MACROD2: variants seen among roughly 807,000 people sequenced by gnomAD.
MACROD2 encodes the protein mono-ADP ribosylhydrolase 2, also known as ADP-ribose glycohydrolase MACROD2.
Under a neutral mutation model 70.4 loss-of-function variants are expected in MACROD2, and 36 were observed. That is an observed-to-expected ratio of 0.51 (90% CI 0.39 to 0.68). MACROD2 has a LOEUF of 0.68. Among genes scored for constraint, MACROD2 ranks in the 30% least tolerant of loss-of-function variants. The pLI is 0.00. For missense variants in MACROD2, 496 were observed against 538.4 expected (o/e 0.92, Z 0.78); for synonymous variants, 172 against 178.8 (o/e 0.96, Z 0.30).
At chr20:15,586,990 C>T (rs923662532) in intron 8 of MACROD2, among the ~76,000 whole-genome samples, 2 of 152,190 alleles carry the variant, frequency 1.3e-5, no homozygotes, top group Non-Finnish European at 2.9e-5. Context: ...CAACTTCATA[C>T]ATGTTGCTTT....
chr20:14,497,868 A>G (rs1219824889), intron 4 of MACROD2, among the ~76,000 whole-genome samples: 1 of 151,820 alleles, frequency 6.6e-6, no homozygotes, highest in African/African-American at 2.4e-5. Flanking sequence ...TCTAATAAGC[A>G]AGTGCTGTTA....
At chr20:15,421,399 A>G (rs957876833) in intron 6 of MACROD2, among the ~76,000 whole-genome samples, 1 of 152,074 alleles carries the variant, frequency 6.6e-6, no homozygotes, top group Non-Finnish European at 1.5e-5. Context: ...CAAAACAAAA[A>G]GAATATGGGT....
chr20:15,195,734 A>G (rs2076601695), intron 5 of MACROD2, among the ~76,000 whole-genome samples: 1 of 152,224 alleles, frequency 6.6e-6, no homozygotes, highest in Non-Finnish European at 1.5e-5. Flanking sequence ...TACTGGATAT[A>G]TACCCAAAGG....
chr20:14,578,964 A>C (rs1002468983), intron 4 of MACROD2, among the ~76,000 whole-genome samples: 1 of 145,860 alleles, frequency 6.9e-6, no homozygotes, highest in African/African-American at 2.5e-5. Context: ...GTTTCTTGGA[A>C]GTACTTGCAA....
intron 6 of MACROD2, among the ~76,000 whole-genome samples, chr20:15,265,294 T>C (rs1261757794): frequency 6.6e-6 from 1 of 152,170 alleles, no homozygotes; most frequent in Non-Finnish European, 1.5e-5. Context: ...CCATTCACTC[T>C]TCCAGGAGTA....
rs182879959 is a variant in MACROD2, at chr20:15,792,163, G to A, written c.646-70582G>A. The stretch of plus-strand genomic sequence containing the variant: ...AAGAGCTTTTTCACTAGGTGGTGCC[G>A]GGACAAGGTACTAACTGCATGCAAA... On this transcript the variant is annotated intron_variant, in intron 8 of 17. Transcript: ENST00000684519. Among the ~76,000 whole-genome samples, 29 of 152,034 alleles carry A rather than the reference G, an allele frequency of 1.9e-4. No homozygotes were observed. In the East Asian group the frequency reaches 5.0e-3, roughly 26 times the overall value.
intron 3 of MACROD2, among the ~76,000 whole-genome samples, chr20:14,185,291 A>T (rs551531565): frequency 5.3e-5 from 8 of 152,222 alleles, no homozygotes; most frequent in African/African-American, 1.9e-4. Context: ...AAGTTTTTAT[A>T]TGTTCTGACG....
At chr20:14,551,281 TC>T (rs1214695999) in intron 4 of MACROD2, among the ~76,000 whole-genome samples, 1 of 152,232 alleles carries the variant, frequency 6.6e-6, no homozygotes, top group Non-Finnish European at 1.5e-5. Context: ...GTAAATTAAA[TC>T]AACTTGTGCT....
At chr20:14,139,501 A>C (rs1682892369) in intron 3 of MACROD2, among the ~76,000 whole-genome samples, 1 of 152,214 alleles carries the variant, frequency 6.6e-6, no homozygotes, top group Non-Finnish European at 1.5e-5. Context: ...TGGATGGGGA[A>C]ATTTCCCCAT....
At chr20:14,538,079 A>C (rs2085388126) in intron 4 of MACROD2, among the ~76,000 whole-genome samples, 1 of 152,194 alleles carries the variant, frequency 6.6e-6, no homozygotes, top group Admixed American at 6.5e-5. Flanking sequence ...GTTCTGTATA[A>C]ATAATCAGAA....
At chr20:15,673,927 G>T (rs2050018528) in intron 8 of MACROD2, among the ~76,000 whole-genome samples, 1 of 152,166 alleles carries the variant, frequency 6.6e-6, no homozygotes, top group South Asian at 2.1e-4. Context: ...AGTGAGAAAT[G>T]GATTTTTAAA....
At chr20:15,199,560 G>T (rs958548897) in intron 5 of MACROD2, among the ~76,000 whole-genome samples, 1 of 152,100 alleles carries the variant, frequency 6.6e-6, no homozygotes, top group African/African-American at 2.4e-5. Flanking sequence ...GTGGTAAAGA[G>T]CCGTTAAATG....
intron 4 of MACROD2, among the ~76,000 whole-genome samples, chr20:14,652,143 T>C (rs1348436360): frequency 1.3e-5 from 2 of 152,290 alleles, no homozygotes; most frequent in East Asian, 3.9e-4. Flanking sequence ...ATCCTTATCA[T>C]TGTTTTCTTT....
intron 3 of MACROD2, among the ~76,000 whole-genome samples, chr20:14,472,085 C>T (rs1014581120): frequency 1.3e-5 from 2 of 152,102 alleles, no homozygotes; most frequent in African/African-American, 4.8e-5. Flanking sequence ...GGAGTTTCAA[C>T]AAATTTTAAG....
rs149946720 is a variant in MACROD2, at chr20:14,089,420, G to A, written c.271+3692G>A. 2.3e-3 allele frequency among the ~76,000 whole-genome samples: 344 copies of A among 152,296 alleles called. 3 individuals carry two copies. Among genetic ancestry groups the A allele is most frequent in the African/African-American group, 8.0e-3 (334 of 41,562 alleles). On this transcript the variant is annotated intron_variant, in intron 3 of 17. Transcript: ENST00000684519. Reference sequence around the variant, plus strand: ...CAGTACCCCTAGTCACTATGCCAAAGCAGCCCAGTTGTCACCTCCTATTAG... The same window carrying A: ...CAGTACCCCTAGTCACTATGCCAAAACAGCCCAGTTGTCACCTCCTATTAG...
At chr20:14,506,363 C>T (rs913321408) in intron 4 of MACROD2, among the ~76,000 whole-genome samples, 8 of 152,098 alleles carry the variant, frequency 5.3e-5, no homozygotes, top group South Asian at 2.1e-4. Flanking sequence ...TGGCCTTAAC[C>T]GTGGAATGCA....
At chr20:14,904,616 A>G (rs2073936806) in intron 5 of MACROD2, among the ~76,000 whole-genome samples, 1 of 152,156 alleles carries the variant, frequency 6.6e-6, no homozygotes, top group South Asian at 2.1e-4. Flanking sequence ...TGGACTTTGG[A>G]ATCATCTGTT....
intron 5 of MACROD2, among the ~76,000 whole-genome samples, chr20:14,851,406 T>G (rs1317751745): frequency 6.6e-6 from 1 of 152,160 alleles, no homozygotes; most frequent in Non-Finnish European, 1.5e-5. Context: ...TCAGGAAGAT[T>G]TTACCAAATT....
At chr20:15,419,120 A>T (rs992122251) in intron 6 of MACROD2, among the ~76,000 whole-genome samples, 18 of 152,152 alleles carry the variant, frequency 1.2e-4, no homozygotes, top group Non-Finnish European at 2.6e-4. Context: ...GTGAAATGTG[A>T]AGAAGTGAGA....
Sources: allele counts gnomAD v4.1 joint callset (sites outside exome capture counted in the v4.1 genomes callset), GRCh38; gene constraint gnomAD v4.1.1; transcripts MANE v1.5; gene names NCBI Gene and HGNC (gene_info 2026-07-23, HGNC 2026-07-21).